Variants in PLXNA4 observed in about 807,000 individuals in gnomAD.
PLXNA4 encodes the protein plexin-A4.
In PLXNA4, 44 loss-of-function variants were observed where a neutral mutation model predicts 191.8. That is an observed-to-expected ratio of 0.23 (90% CI 0.18 to 0.29). The LOEUF is 0.29. Ranked by LOEUF, PLXNA4 falls within the 10% of genes least tolerant of loss-of-function variation. The pLI, the probability that PLXNA4 is intolerant of heterozygous loss-of-function variation, is 1.00. For synonymous variants in PLXNA4, 1,082 were observed against 1,009.5 expected (o/e 1.07, Z -1.36); for missense variants, 1,800 against 2,488.8 (o/e 0.72, Z 5.89).
rs1202756497 is a variant in PLXNA4, at chr7:132,594,930, GA to G, written c.-87+50997del. On this transcript the variant is annotated intron_variant, in intron 2 of 4. Coordinates refer to the PLXNA4 transcript ENST00000378539. Reference sequence around the variant, plus strand: ...AGATAGGTAGATAGATAGATAGATAGATAGATAGATAGATAGATAGATAGAT... The same window carrying G: ...AGATAGGTAGATAGATAGATAGATAGTAGATAGATAGATAGATAGATAGAT... Among the ~76,000 whole-genome samples, 118 of 142,174 alleles carry G rather than the reference GA, an allele frequency of 8.3e-4. 1 individual carries two copies. The East Asian group carries it at 0.014, about 17-fold the overall frequency. The allele number at this position is 142,174 out of a possible 152,430, so 93.3% of individuals were successfully genotyped here. A position where few individuals can be genotyped will look rare whatever the true frequency, so the allele number is the denominator to read the frequency against.
chr7:132,158,948 G>A (rs376202868), intron 25 of PLXNA4, among the ~76,000 whole-genome samples: 127 of 152,284 alleles, frequency 8.3e-4, no homozygotes, highest in African/African-American at 3.0e-3. Flanking sequence ...TCTCCAGCAG[G>A]CTTTCAAATC....
intron 4 of PLXNA4, among the ~76,000 whole-genome samples, chr7:132,259,701 T>C (rs1324854373): frequency 3.3e-5 from 5 of 152,154 alleles, no homozygotes; most frequent in African/African-American, 1.2e-4. Context: ...TATTCATAAT[T>C]GCCAACACTT....
At chr7:132,182,053 G>A in intron 17 of PLXNA4, 44 bp downstream of exon 17, 2 of 1,613,814 alleles carry the variant, frequency 1.2e-6, no homozygotes, top group Non-Finnish European at 1.7e-6. Context: ...GAAGCAACGT[G>A]TTGCATGGGC....
intron 2 of PLXNA4, among the ~76,000 whole-genome samples, chr7:132,641,892 C>T (rs553273699): frequency 6.1e-4 from 93 of 152,282 alleles, no homozygotes; most frequent in Non-Finnish European, 1.1e-3. Flanking sequence ...ATGTGGCTGT[C>T]CAGCCCACAG....
intron 14 of PLXNA4, among the ~76,000 whole-genome samples, chr7:132,187,912 C>CAT (rs1554384325): frequency 6.6e-6 from 1 of 151,798 alleles, no homozygotes; most frequent in Admixed American, 6.6e-5. Context: ...TATACACATA[C>CAT]ATATATATAA....
chr7:132,311,201 T>TGTGTGTGC (rs1327681030), intron 3 of PLXNA4, among the ~76,000 whole-genome samples: 3 of 133,424 alleles, frequency 2.2e-5, no homozygotes, highest in Admixed American at 7.6e-5. Context: ...TGTGCGCGTG[T>TGTGTGTGC]GGCCTAAAGG....
intron 1 of PLXNA4, among the ~76,000 whole-genome samples, chr7:132,562,988 C>CCCTACTCCTCCTT (rs1563175167): frequency 1.5e-5 from 1 of 67,356 alleles, no homozygotes; most frequent in African/African-American, 9.3e-5. Flanking sequence ...TCCTCCTTCT[C>CCCTACTCCTCCTT]CTCCTCCTCC....
At chr7:132,317,888 C>T (rs75301419) in intron 3 of PLXNA4, among the ~76,000 whole-genome samples, 4,614 of 152,180 alleles carry the variant, frequency 0.03, 85 homozygotes, top group African/African-American at 0.05. Flanking sequence ...GGAAGAAATC[C>T]AAGAGCAGGG....
rs1437844441 is a variant in PLXNA4, at chr7:132,506,710, C to G, written c.1188+796G>C. ...GTCCCCTGCTTCACCTGGGGTAACC[C>G]AGCAAGGCCATACCCACCAGCCATG... On this transcript the variant is annotated intron_variant, in intron 2 of 31. Transcript: ENST00000321063. Among the ~76,000 whole-genome samples the G allele has an allele frequency of 2.0e-5, 3 of 152,300 alleles. No homozygotes were observed. In the East Asian group the frequency reaches 5.8e-4, roughly 29 times the overall value.
intron 4 of PLXNA4, among the ~76,000 whole-genome samples, chr7:132,280,913 GCA>G (rs968069233): frequency 7.2e-5 from 11 of 151,814 alleles, no homozygotes; most frequent in African/African-American, 2.2e-4. Flanking sequence ...CACCTACAAT[GCA>G]CATATATTTA....
At chr7:132,162,859 G>T (rs150440034) in intron 24 of PLXNA4, among the ~76,000 whole-genome samples, 1 of 152,120 alleles carries the variant, frequency 6.6e-6, no homozygotes. Context: ...TTCCCAGCCA[G>T]CAGGGATGGC....
chr7:132,418,440 A>T (rs1794737208), intron 3 of PLXNA4, among the ~76,000 whole-genome samples: 1 of 152,204 alleles, frequency 6.6e-6, no homozygotes, highest in African/African-American at 2.4e-5. Context: ...ATCAAGATGG[A>T]TCCAGCCCAG....
At chr7:132,326,596 T>C (rs1213914448) in intron 3 of PLXNA4, among the ~76,000 whole-genome samples, 2 of 152,130 alleles carry the variant, frequency 1.3e-5, no homozygotes, top group African/African-American at 4.8e-5. Flanking sequence ...GGATGCTCTC[T>C]CGGAGAACCT....
At chr7:132,413,014 A>G (rs1794521692) in intron 3 of PLXNA4, among the ~76,000 whole-genome samples, 1 of 126,634 alleles carries the variant, frequency 7.9e-6, no homozygotes, top group Admixed American at 7.2e-5. Flanking sequence ...AAGTCACTTG[A>G]TAGATGGGGG....
chr7:132,158,443 T>G (rs1450461829), intron 25 of PLXNA4, among the ~76,000 whole-genome samples: 2 of 152,122 alleles, frequency 1.3e-5, no homozygotes, highest in African/African-American at 4.8e-5. Flanking sequence ...CATACACACA[T>G]CAATGCTTCT....
At position 132,194,149 on chromosome 7, in the gene PLXNA4, G is replaced by A. The variant is rs751379775; in HGVS notation, c.2769C>T (p.Pro923=). 6.2e-7 allele frequency: 1 copy of A among 1,613,752 alleles called. No individual in the cohort carries two copies. Among genetic ancestry groups the A allele is most frequent in the African/African-American group, 1.3e-5 (1 of 74,928 alleles). ...TCTCCACGAAGCCTGCATGCTGGCTGGGCTTGGCCTCCCCCATCTCACACA... is the reference window on the plus strand; with the variant it reads ...TCTCCACGAAGCCTGCATGCTGGCTAGGCTTGGCCTCCCCCATCTCACACA... The part of the protein sequence containing the change: ...QIVCEMGEAK[P]SQHAGFVEIC... Residue 923 remains proline (P), a synonymous_variant, in exon 14 of 32, where the codon CCC becomes CCT. Coordinates refer to ENST00000321063, the MANE Select transcript of PLXNA4 (RefSeq NM_020911.2).
At chr7:132,155,519 G>A (rs556301400) in intron 25 of PLXNA4, among the ~76,000 whole-genome samples, 14 of 152,216 alleles carry the variant, frequency 9.2e-5, no homozygotes, top group Non-Finnish European at 1.8e-4. Context: ...GGATCTTCTC[G>A]TGTTTGTTGA....
intron 3 of PLXNA4, among the ~76,000 whole-genome samples, chr7:132,425,822 G>T (rs1369634815): frequency 6.6e-6 from 1 of 152,226 alleles, no homozygotes; most frequent in Non-Finnish European, 1.5e-5. Context: ...ATCGAGGTGG[G>T]GGCGGGAGCT....
At chr7:132,189,015 A>AAAG (rs1562909028) in intron 14 of PLXNA4, among the ~76,000 whole-genome samples, 2,961 of 81,406 alleles carry the variant, frequency 0.036, 157 homozygotes, top group African/African-American at 0.097. Flanking sequence ...AGAGAGAGAG[A>AAAG]GAGAGAGAGA....
Sources: gnomAD v4.1 joint callset for allele counts (sites outside exome capture counted in the v4.1 genomes callset) on GRCh38, gnomAD v4.1.1 for gene constraint, MANE v1.5 for transcripts, NCBI Gene and HGNC (gene_info 2026-07-23, HGNC 2026-07-21) for gene names.